Variants in ATXN7L1 observed in about 807,000 individuals in gnomAD.
ATXN7L1 encodes ataxin-7-like protein 1.
Under a neutral mutation model 70.8 loss-of-function variants are expected in ATXN7L1, and 15 were observed. That is an observed-to-expected ratio of 0.21 (90% CI 0.14 to 0.33). The LOEUF (loss-of-function observed/expected upper bound fraction) is 0.33. Ranked by LOEUF, ATXN7L1 falls within the 10% of genes least tolerant of loss-of-function variation. The probability of loss-of-function intolerance (pLI) is 1.00; values close to 1 mark genes in which losing one functional copy is unlikely to be tolerated. For missense variants in ATXN7L1, 975 were observed against 1,097.1 expected (o/e 0.89, Z 1.57); for synonymous variants, 440 against 445.1 (o/e 0.99, Z 0.14).
At chr7:105,674,102 G>A (rs577149190) in intron 3 of ATXN7L1, among the ~76,000 whole-genome samples, 1 of 152,334 alleles carries the variant, frequency 6.6e-6, no homozygotes, top group African/African-American at 2.4e-5. Context: ...AGCCGAGGAG[G>A]CGTTCCTTAA....
intron 3 of ATXN7L1, among the ~76,000 whole-genome samples, chr7:105,741,913 C>CA (rs1798061436): frequency 6.6e-6 from 1 of 152,146 alleles, no homozygotes; most frequent in African/African-American, 2.4e-5. Flanking sequence ...CACCAGAAGC[C>CA]AGGAGAGAGG....
At chr7:105,789,543 G>A (rs1804823184) in intron 2 of ATXN7L1, among the ~76,000 whole-genome samples, 1 of 152,130 alleles carries the variant, frequency 6.6e-6, no homozygotes, top group Non-Finnish European at 1.5e-5. Context: ...GAGACTCCAG[G>A]ATGAGTAGAG....
At chr7:105,863,149 AAG>A (rs1443796356) in intron 2 of ATXN7L1, among the ~76,000 whole-genome samples, 3 of 152,184 alleles carry the variant, frequency 2.0e-5, no homozygotes, top group African/African-American at 7.2e-5. Context: ...AAGGAGGAAA[AAG>A]AGAGAAATCA....
chr7:105,819,462 A>T, intron 2 of ATXN7L1: 1 of 668,556 alleles, frequency 1.5e-6, no homozygotes, highest in Non-Finnish European at 2.7e-6. Context: ...AAAAAAAAAA[A>T]GAGTGTCCTT....
At chr7:105,868,190 G>T (rs28633681) in intron 2 of ATXN7L1, among the ~76,000 whole-genome samples, 17,010 of 152,104 alleles carry the variant, frequency 0.11, 2,457 homozygotes, top group African/African-American at 0.34. Context: ...CTGGGAGGCC[G>T]GCACTGAGCC....
chr7:105,671,570 CG>C (rs1378792260), intron 3 of ATXN7L1, among the ~76,000 whole-genome samples: 1 of 145,244 alleles, frequency 6.9e-6, no homozygotes, highest in Non-Finnish European at 1.5e-5. Context: ...TGCTCTCACC[CG>C]TTCTGTCCTT....
intron 2 of ATXN7L1, among the ~76,000 whole-genome samples, chr7:105,793,808 C>G (rs966888705): frequency 6.6e-6 from 1 of 152,336 alleles, no homozygotes; most frequent in East Asian, 1.9e-4. Flanking sequence ...TGGTCACCCC[C>G]TGGCCTGATC....
intron 7 of ATXN7L1, among the ~76,000 whole-genome samples, chr7:105,625,987 C>A (rs1225036472): frequency 6.6e-6 from 1 of 152,230 alleles, no homozygotes; most frequent in Non-Finnish European, 1.5e-5. Flanking sequence ...TCTCATGAAG[C>A]AGCACTGCTG....
chr7:105,688,461 T>G (rs1790266542), intron 3 of ATXN7L1, among the ~76,000 whole-genome samples: 1 of 151,882 alleles, frequency 6.6e-6, no homozygotes, highest in Non-Finnish European at 1.5e-5. Flanking sequence ...GAGGATCACC[T>G]GGGTCCAGGA....
chr7:105,831,966 T>C (rs982139947), intron 2 of ATXN7L1, among the ~76,000 whole-genome samples: 14 of 152,180 alleles, frequency 9.2e-5, no homozygotes, highest in African/African-American at 2.4e-4. Flanking sequence ...AATAATAGTA[T>C]GGCAGGTCAT....
intron 3 of ATXN7L1, among the ~76,000 whole-genome samples, chr7:105,781,533 C>T (rs1803532249): frequency 6.6e-6 from 1 of 152,218 alleles, no homozygotes; most frequent in Non-Finnish European, 1.5e-5. Context: ...GGTAAGGACC[C>T]ACCACAGCTC....
At chr7:105,630,080 A>G (rs565689144) in intron 7 of ATXN7L1, among the ~76,000 whole-genome samples, 38 of 152,246 alleles carry the variant, frequency 2.5e-4, no homozygotes, top group African/African-American at 8.9e-4. Flanking sequence ...AGCCTCCCAA[A>G]GTTCTGGGAT....
At position 105,606,466 on chromosome 7, in the gene ATXN7L1, C is replaced by G. The variant is rs963675454; in HGVS notation, c.*1386G>C. 1 of 152,166 alleles carries G rather than the reference C, an allele frequency of 6.6e-6. No individual in the cohort carries two copies. Among genetic ancestry groups the G allele is most frequent in the Non-Finnish European group, 1.5e-5 (1 of 68,028 alleles). The allele number at this position is 152,166 out of a possible 1,614,324, so 9.4% of individuals were successfully genotyped here. ...TTCTGATTTAAGGATGAAACAAAAC[C>G]TCCCAGTATCTTTGCTATACATCAT... On this transcript the variant is annotated 3_prime_UTR_variant, in exon 12 of 12. Transcript: ENST00000419735.
At chr7:105,744,400 T>C (rs1253202763) in intron 3 of ATXN7L1, among the ~76,000 whole-genome samples, 1 of 146,638 alleles carries the variant, frequency 6.8e-6, no homozygotes, top group East Asian at 2.1e-4. Context: ...TTTAACATGC[T>C]CTGTGCCCAC....
chr7:105,699,284 C>A (rs1792139280), intron 3 of ATXN7L1, among the ~76,000 whole-genome samples: 1 of 152,152 alleles, frequency 6.6e-6, no homozygotes. Flanking sequence ...AGGCATGCAC[C>A]ATCACGCCCA....
intron 10 of ATXN7L1, 50 bp downstream of exon 10, chr7:105,613,812 C>T (rs1262296603): frequency 1.3e-6 from 2 of 1,551,592 alleles, no homozygotes; most frequent in Non-Finnish European, 1.7e-6. Flanking sequence ...CGCTGCCCAG[C>T]TCCCCCTGCC....
At chr7:105,731,523 G>A (rs1029540488) in intron 3 of ATXN7L1, among the ~76,000 whole-genome samples, 2 of 148,530 alleles carry the variant, frequency 1.3e-5, no homozygotes, top group African/African-American at 5.0e-5. Flanking sequence ...CAACCTCCGC[G>A]TCCTGGGTTC....
intron 3 of ATXN7L1, among the ~76,000 whole-genome samples, chr7:105,729,736 CT>C (rs55774943): frequency 0.35 from 45,493 of 129,370 alleles, 8,260 homozygotes; most frequent in African/African-American, 0.51. Flanking sequence ...GGCACCACTT[CT>C]TTTTTTTTTT....
intron 4 of ATXN7L1, among the ~76,000 whole-genome samples, chr7:105,656,575 C>CTTTTTTTT (rs1562960009): frequency 8.9e-6 from 1 of 112,716 alleles, no homozygotes; most frequent in African/African-American, 4.6e-5. Context: ...TCTTCTTCTT[C>CTTTTTTTT]CTTTTTTTTT....
Sources: gnomAD v4.1 joint callset for allele counts (sites outside exome capture counted in the v4.1 genomes callset) on GRCh38, gnomAD v4.1.1 for gene constraint, MANE v1.5 for transcripts, NCBI Gene and HGNC (gene_info 2026-07-23, HGNC 2026-07-21) for gene names.